GALNT1: variants seen among roughly 807,000 people sequenced by gnomAD.
GALNT1 encodes the protein GalNAc transferase 1.
In GALNT1, 17 loss-of-function variants were observed where a neutral mutation model predicts 65.7. The ratio of observed to expected loss-of-function variants is 0.26; its 90% confidence interval spans 0.18 to 0.39. The LOEUF is 0.39. Among genes scored for constraint, GALNT1 ranks in the 10% least tolerant of loss-of-function variants. GALNT1 has a pLI of 1.00. For synonymous variants in GALNT1, 210 were observed against 219.7 expected (o/e 0.96, Z 0.39); for missense variants, 460 against 672.8 (o/e 0.68, Z 3.50).
At position 35,705,675 on chromosome 18, in the gene GALNT1, A is replaced by G. The variant is rs554603982; in HGVS notation, c.1533+2032A>G. On this transcript the variant is annotated intron_variant, in intron 11 of 11. Coordinates refer to ENST00000269195, the MANE Select transcript of GALNT1 (RefSeq NM_020474.4). ...GACAACCACAAAATTTTAAAAATGAAAAACCTCTTAAGTTTATTGGAAAAT... is the reference window on the plus strand; with the variant it reads ...GACAACCACAAAATTTTAAAAATGAGAAACCTCTTAAGTTTATTGGAAAAT... 2.6e-5 allele frequency among the ~76,000 whole-genome samples: 4 copies of G among 152,222 alleles called. No homozygotes were observed. In the East Asian group the frequency reaches 7.7e-4, roughly 29 times the overall value.
At chr18:35,633,156 A>T (rs531967088) in intron 1 of GALNT1, among the ~76,000 whole-genome samples, 11 of 152,298 alleles carry the variant, frequency 7.2e-5, no homozygotes, top group African/African-American at 2.6e-4. Flanking sequence ...GGGATCTAGA[A>T]CTAGAAGTAC....
At chr18:35,650,532 A>G (rs984302452) in intron 1 of GALNT1, among the ~76,000 whole-genome samples, 2 of 152,202 alleles carry the variant, frequency 1.3e-5, no homozygotes, top group South Asian at 2.1e-4. Context: ...TGGGAGTGCT[A>G]CGGGAGACCG....
intron 1 of GALNT1, among the ~76,000 whole-genome samples, chr18:35,631,177 G>C (rs1370709679): frequency 6.6e-6 from 1 of 152,190 alleles, no homozygotes; most frequent in Non-Finnish European, 1.5e-5. Flanking sequence ...AATAGAAAAA[G>C]AGGGAATCCT....
intron 3 of GALNT1, among the ~76,000 whole-genome samples, chr18:35,674,280 G>A (rs1400737238): frequency 2.0e-5 from 3 of 152,134 alleles, no homozygotes; most frequent in Non-Finnish European, 2.9e-5. Context: ...AAGTAATTAC[G>A]CTAGTATGTT....
chr18:35,695,163 T>C (rs1721314459), intron 9 of GALNT1, among the ~76,000 whole-genome samples: 1 of 152,162 alleles, frequency 6.6e-6, no homozygotes, highest in Admixed American at 6.6e-5. Flanking sequence ...AAATTTTATG[T>C]TATGTGTTTC....
Position 35,654,821 on chromosome 18 carries a change from A to T in GALNT1, c.139+20A>T. ...GAGATGGTGAGTGACATTTTATAAT[A>T]GAGCTGTTTTAACTACTATATCACT... On this transcript the variant is annotated intron_variant, in intron 2 of 11. Transcript: ENST00000269195. 2 of 1,523,400 alleles carry T rather than the reference A, an allele frequency of 1.3e-6. No homozygotes were observed. Among genetic ancestry groups the T allele is most frequent in the Admixed American group, 1.9e-5 (1 of 51,568 alleles). The allele number at this position is 1,523,400 out of a possible 1,614,324, so 94.4% of individuals were successfully genotyped here.
At chr18:35,660,464 A>G (rs899401702) in intron 2 of GALNT1, among the ~76,000 whole-genome samples, 2 of 152,174 alleles carry the variant, frequency 1.3e-5, no homozygotes, top group Non-Finnish European at 2.9e-5. Context: ...CTCACATAAT[A>G]CTTTGGAATA....
intron 1 of GALNT1, among the ~76,000 whole-genome samples, chr18:35,612,496 A>G (rs1422883868): frequency 6.6e-6 from 1 of 152,202 alleles, no homozygotes; most frequent in Non-Finnish European, 1.5e-5. Context: ...AACAAATAGC[A>G]TCATAAATTT....
chr18:35,694,782 A>G (rs2048027679), intron 9 of GALNT1, among the ~76,000 whole-genome samples: 1 of 152,220 alleles, frequency 6.6e-6, no homozygotes, highest in Admixed American at 6.5e-5. Context: ...AAGACAAGCT[A>G]CAGAGTGACT....
chr18:35,641,877 GAA>G (rs996569789), intron 1 of GALNT1, among the ~76,000 whole-genome samples: 1 of 152,124 alleles, frequency 6.6e-6, no homozygotes, highest in Non-Finnish European at 1.5e-5. Flanking sequence ...CATGAGTTAA[GAA>G]TGGTTTTTAA....
rs1224635524 is a variant in GALNT1 at position 35,691,442 on chromosome 18, T to C, written c.1159+250T>C. Among the ~76,000 whole-genome samples, 3 of 152,172 alleles carry C rather than the reference T, an allele frequency of 2.0e-5. No homozygotes were observed. The East Asian group carries it at 5.8e-4, about 29-fold the overall frequency. ...TAGCCCAGGTTTTGCAGATGTTCTA[T>C]TTTTTTTAAAACCTAACTGCAACAT... is the stretch of plus-strand genomic sequence containing the variant. On this transcript the variant is annotated intron_variant, in intron 8 of 11. Transcript: ENST00000269195.
intron 1 of GALNT1, among the ~76,000 whole-genome samples, chr18:35,642,661 A>G (rs997087335): frequency 6.6e-5 from 10 of 152,172 alleles, no homozygotes; most frequent in African/African-American, 1.9e-4. Context: ...ATCTTTTCAA[A>G]TAGTATAGTC....
chr18:35,633,996 TTGTC>T (rs1334564614), intron 1 of GALNT1, among the ~76,000 whole-genome samples: 38 of 152,154 alleles, frequency 2.5e-4, no homozygotes, highest in African/African-American at 8.9e-4. Context: ...GGATGAAAGT[TTGTC>T]TGTGAGCTTT....
intron 3 of GALNT1, among the ~76,000 whole-genome samples, chr18:35,672,358 C>A (rs2047649175): frequency 6.6e-6 from 1 of 152,174 alleles, no homozygotes; most frequent in South Asian, 2.1e-4. Flanking sequence ...CAATGAAATG[C>A]CAAGTGGTAA....
At chr18:35,598,577 T>C (rs961927545) in intron 1 of GALNT1, among the ~76,000 whole-genome samples, 2 of 152,252 alleles carry the variant, frequency 1.3e-5, no homozygotes, top group Non-Finnish European at 2.9e-5. Flanking sequence ...TTTTTATGGC[T>C]GAATAATATT....
At position 35,689,257 on chromosome 18, in the gene GALNT1, TTGGGG is replaced by T; in HGVS notation, c.946_950del (p.Trp316ArgfsTer9). 1 of 1,608,466 alleles carries T rather than the reference TTGGGG, an allele frequency of 6.2e-7. No individual in the cohort carries two copies. On this transcript the variant is annotated frameshift_variant, in exon 7 of 12. Coordinates refer to ENST00000269195, the MANE Select transcript of GALNT1 (RefSeq NM_020474.4). LOFTEE classifies it high-confidence loss of function. ...GAACATATGATGCTGGAATGGATATTTGGGGAGGAGAAAACCTAGAAATTTCCTTT... is the reference window on the plus strand; with the variant it reads ...GAACATATGATGCTGGAATGGATATTAGGAGAAAACCTAGAAATTTCCTTT...
In GALNT1 at chr18:35,631,017, C is replaced by A. The variant is rs537024637; in HGVS notation, c.-103-23543C>A. On this transcript the variant is annotated intron_variant, in intron 1 of 11. Coordinates refer to ENST00000269195, the MANE Select transcript of GALNT1 (RefSeq NM_020474.4). Reference sequence around the variant, plus strand: ...AGACTAAACCAGGAAGAAGTTGAATCTCTGAATAGATCAATAACAGGCTCT... The same window carrying A: ...AGACTAAACCAGGAAGAAGTTGAATATCTGAATAGATCAATAACAGGCTCT... Among the ~76,000 whole-genome samples the A allele has an allele frequency of 6.4e-3, 973 of 152,250 alleles. 19 individuals carry two copies. Among genetic ancestry groups the A allele is most frequent in the African/African-American group, 0.022 (923 of 41,542 alleles).
At chr18:35,638,414 T>C (rs796602709) in intron 1 of GALNT1, among the ~76,000 whole-genome samples, 4 of 152,244 alleles carry the variant, frequency 2.6e-5, no homozygotes, top group African/African-American at 9.6e-5. Flanking sequence ...ACAAAGGCCT[T>C]GAGTCAACAC....
At chr18:35,646,538 CT>C (rs1283932582) in intron 1 of GALNT1, among the ~76,000 whole-genome samples, 1 of 152,164 alleles carries the variant, frequency 6.6e-6, no homozygotes, top group African/African-American at 2.4e-5. Context: ...CTATGTGGAC[CT>C]CTGCATAGGA....
Sources: gnomAD v4.1 joint callset for allele counts (sites outside exome capture counted in the v4.1 genomes callset) on GRCh38, gnomAD v4.1.1 for gene constraint, MANE v1.5 for transcripts, NCBI Gene and HGNC (gene_info 2026-07-23, HGNC 2026-07-21) for gene names.